Variants in KCNMA1 observed in about 807,000 individuals in gnomAD.
The protein encoded by KCNMA1 is potassium calcium-activated channel subfamily M alpha 1.
A neutral mutation model predicts 140.0 loss-of-function variants in KCNMA1; 29 were observed. The ratio of observed to expected loss-of-function variants is 0.21; its 90% CI spans 0.15 to 0.28. KCNMA1 has a LOEUF of 0.28. Ranked by LOEUF, KCNMA1 falls within the 10% of genes least tolerant of loss-of-function variation. KCNMA1 has a pLI of 1.00. For missense variants in KCNMA1, 880 were observed against 1,602.2 expected (o/e 0.55, Z 7.70); for synonymous variants, 612 against 611.9 (o/e 1.00, Z 0.00).
At chr10:77,597,641 C>T (rs1334307588) in intron 1 of KCNMA1, among the ~76,000 whole-genome samples, 2 of 152,198 alleles carry the variant, frequency 1.3e-5, no homozygotes, top group Non-Finnish European at 2.9e-5. Flanking sequence ...TGCCCTCCTC[C>T]AATTCCTTCC....
At chr10:77,226,288 C>T (rs973272293) in intron 3 of KCNMA1, among the ~76,000 whole-genome samples, 1 of 151,984 alleles carries the variant, frequency 6.6e-6, no homozygotes, top group Non-Finnish European at 1.5e-5. Context: ...ATGTAATAAT[C>T]AGAACTAAGA....
intron 9 of KCNMA1, among the ~76,000 whole-genome samples, chr10:77,106,271 GAA>G (rs1465447559): frequency 2.0e-5 from 3 of 152,068 alleles, no homozygotes; most frequent in South Asian, 2.1e-4. Flanking sequence ...AAAAAAAAGA[GAA>G]AGAGAGAGAG....
At chr10:77,050,886 T>C (rs1249583975) in intron 14 of KCNMA1, among the ~76,000 whole-genome samples, 1 of 152,178 alleles carries the variant, frequency 6.6e-6, no homozygotes. Context: ...AGAAAGCTTT[T>C]AGACAATTAA....
intron 19 of KCNMA1, among the ~76,000 whole-genome samples, chr10:76,980,905 CTAGG>C (rs2079230984): frequency 1.3e-5 from 2 of 152,222 alleles, no homozygotes; most frequent in Non-Finnish European, 2.9e-5. Context: ...GGGTCTGAAC[CTAGG>C]TATTTGGCAA....
rs1467615123 is a variant in KCNMA1 at position 76,884,932 on chromosome 10, T to G, written c.*2334A>C. 6 of 1,516,012 alleles carry G rather than the reference T, an allele frequency of 4.0e-6. No individual in the cohort carries two copies. The highest frequency in any genetic ancestry group is 1.8e-6 in the Non-Finnish European group (2 of 1,133,582). 93.9% of individuals were successfully genotyped at this position (1,516,012 alleles called of 1,614,324 possible). On this transcript the variant is annotated 3_prime_UTR_variant, in exon 28 of 28. Transcript: ENST00000286628. ...CACAAAAGTTTTCACAAGGACAACG[T>G]TATAGAAGAAAACCCCCAGCAGTGG...
intron 26 of KCNMA1, chr10:76,889,817 C>T: frequency 1.8e-6 from 1 of 542,672 alleles, no homozygotes; most frequent in Non-Finnish European, 3.3e-6. Flanking sequence ...CCACCTGTCG[C>T]AGTGGGGTTT....
chr10:77,358,467 C>T (rs1021470866), intron 2 of KCNMA1, among the ~76,000 whole-genome samples: 1 of 152,154 alleles, frequency 6.6e-6, no homozygotes, highest in African/African-American at 2.4e-5. Flanking sequence ...CCTCCACCTC[C>T]CTTCTAATAC....
At chr10:77,065,418 T>G (rs2095895682) in intron 14 of KCNMA1, among the ~76,000 whole-genome samples, 1 of 152,188 alleles carries the variant, frequency 6.6e-6, no homozygotes, top group African/African-American at 2.4e-5. Flanking sequence ...GAATATGAAG[T>G]GGGACATCTA....
At chr10:77,024,512 T>C (rs1023556821) in intron 16 of KCNMA1, among the ~76,000 whole-genome samples, 2 of 152,190 alleles carry the variant, frequency 1.3e-5, no homozygotes, top group Non-Finnish European at 2.9e-5. Flanking sequence ...TCAACAATAT[T>C]GTCTTAGATA....
chr10:77,193,553 T>C (rs61477968), intron 3 of KCNMA1, among the ~76,000 whole-genome samples: 1,567 of 152,290 alleles, frequency 0.01, 35 homozygotes, highest in African/African-American at 0.035. Flanking sequence ...TAAATGCATA[T>C]GCACTTATGC....
intron 19 of KCNMA1, among the ~76,000 whole-genome samples, chr10:76,990,769 A>G (rs2082518382): frequency 6.6e-6 from 1 of 152,182 alleles, no homozygotes; most frequent in African/African-American, 2.4e-5. Context: ...GTGGAAATTT[A>G]CTCATCTGCA....
chr10:77,010,608 G>A (rs2090474194), intron 18 of KCNMA1, among the ~76,000 whole-genome samples: 1 of 151,954 alleles, frequency 6.6e-6, no homozygotes, highest in Non-Finnish European at 1.5e-5. Flanking sequence ...CACCCTGAGG[G>A]GATTTCTGCA....
At chr10:77,254,359 C>CTACA (rs1411359318) in intron 2 of KCNMA1, among the ~76,000 whole-genome samples, 1 of 151,870 alleles carries the variant, frequency 6.6e-6, no homozygotes, top group African/African-American at 2.4e-5. Flanking sequence ...GTAGCTGGGA[C>CTACA]TACAGGTGCC....
intron 18 of KCNMA1, chr10:77,008,174 G>T: frequency 6.5e-7 from 1 of 1,534,522 alleles, no homozygotes; most frequent in Non-Finnish European, 8.7e-7. Flanking sequence ...CTGGGAACCC[G>T]TTTTACTCAC....
intron 25 of KCNMA1, among the ~76,000 whole-genome samples, chr10:76,900,772 G>A (rs1332930964): frequency 1.3e-5 from 2 of 151,966 alleles, no homozygotes; most frequent in Non-Finnish European, 2.9e-5. Flanking sequence ...TAGGAAAAAT[G>A]ACAATCGGCA....
At chr10:77,238,818 C>T (rs900629985) in intron 3 of KCNMA1, among the ~76,000 whole-genome samples, 4 of 152,158 alleles carry the variant, frequency 2.6e-5, no homozygotes, top group Non-Finnish European at 5.9e-5. Flanking sequence ...GTTTCATTGA[C>T]CAACTATAGG....
chr10:77,101,084 T>C (rs192018720), intron 9 of KCNMA1, among the ~76,000 whole-genome samples: 1 of 152,112 alleles, frequency 6.6e-6, no homozygotes, highest in Non-Finnish European at 1.5e-5. Context: ...CAAGTCTCTT[T>C]AAATAGAGCT....
chr10:77,512,673 T>G (rs1221784446), intron 1 of KCNMA1, among the ~76,000 whole-genome samples: 1 of 152,126 alleles, frequency 6.6e-6, no homozygotes, highest in Non-Finnish European at 1.5e-5. Flanking sequence ...TCATCCAATA[T>G]AACTGGAGCC....
intron 5 of KCNMA1, among the ~76,000 whole-genome samples, chr10:77,142,785 T>C (rs1451259626): frequency 6.6e-6 from 1 of 152,190 alleles, no homozygotes; most frequent in African/African-American, 2.4e-5. Context: ...TTTTAAAGTA[T>C]TAGGAATAAT....
Sources: gnomAD v4.1 joint callset for allele counts (sites outside exome capture counted in the v4.1 genomes callset) on GRCh38, gnomAD v4.1.1 for gene constraint, MANE v1.5 for transcripts, NCBI Gene and HGNC (gene_info 2026-07-23, HGNC 2026-07-21) for gene names.